GALNTL6: variants seen among roughly 807,000 people sequenced by gnomAD.
The protein encoded by GALNTL6 is polypeptide N-acetylgalactosaminyltransferase-like 6.
A neutral mutation model predicts 73.7 loss-of-function variants in GALNTL6; 46 were observed. That is an observed-to-expected ratio of 0.62 (90% CI 0.49 to 0.80). The LOEUF (loss-of-function observed/expected upper bound fraction) is 0.80. Ranked by LOEUF, GALNTL6 falls within the 30% of genes least tolerant of loss-of-function variation. GALNTL6 has a pLI of 0.00. For missense variants in GALNTL6, 604 were observed against 755.0 expected (o/e 0.80, Z 2.34); for synonymous variants, 259 against 263.7 (o/e 0.98, Z 0.17).
At chr4:172,755,237 T>TTAGATAGATAGATAGATAGATAG (rs71592099) in intron 5 of GALNTL6, among the ~76,000 whole-genome samples, 1 of 145,550 alleles carries the variant, frequency 6.9e-6, no homozygotes, top group African/African-American at 2.6e-5. Context: ...AAATGACAGA[T>TTAGATAGATAGATAGATAGATAG]ATAGATAGAT....
In GALNTL6 at chr4:171,880,460, C is replaced by T. The variant is rs112734436; in HGVS notation, c.138+65742C>T. Among the ~76,000 whole-genome samples, 265 of 152,138 alleles carry T rather than the reference C, an allele frequency of 1.7e-3. 1 individual carries two copies. Among genetic ancestry groups the T allele is most frequent in the African/African-American group, 5.9e-3 (245 of 41,512 alleles). On this transcript the variant is annotated intron_variant, in intron 2 of 12. Transcript: ENST00000506823. Reference sequence around the variant, plus strand: ...CACTATATTGTTAAATGTTAAGAAACGATTGGGAAGAAAGGCTGTTAATTA... The same window carrying T: ...CACTATATTGTTAAATGTTAAGAAATGATTGGGAAGAAAGGCTGTTAATTA...
rs552925828 is a variant in GALNTL6, at chr4:172,963,915, A to G, written c.1371+11657A>G. 1.3e-4 allele frequency among the ~76,000 whole-genome samples: 20 copies of G among 152,342 alleles called. No homozygotes were observed. The South Asian group carries it at 3.9e-3, about 30-fold the overall frequency. ...TCCAAACTCTGCCTACCAGCTTCCTACTTAAAAGGCAGAAGAGATTACAGT... is the reference window on the plus strand; with the variant it reads ...TCCAAACTCTGCCTACCAGCTTCCTGCTTAAAAGGCAGAAGAGATTACAGT... On this transcript the variant is annotated intron_variant, in intron 10 of 12. Transcript: ENST00000506823.
At chr4:172,422,059 C>T (rs960044856) in intron 5 of GALNTL6, among the ~76,000 whole-genome samples, 3 of 152,104 alleles carry the variant, frequency 2.0e-5, no homozygotes, top group African/African-American at 7.2e-5. Context: ...ATTTTTTGTG[C>T]CTATACTTTG....
chr4:172,360,208 T>C (rs1378141797), intron 5 of GALNTL6, among the ~76,000 whole-genome samples: 2 of 152,214 alleles, frequency 1.3e-5, no homozygotes, highest in East Asian at 3.9e-4. Flanking sequence ...TTTAAATATC[T>C]GCAGCTCCTA....
intron 2 of GALNTL6, among the ~76,000 whole-genome samples, chr4:171,852,823 G>A (rs976806355): frequency 2.6e-5 from 4 of 151,146 alleles, no homozygotes; most frequent in Admixed American, 6.6e-5. Flanking sequence ...AGTCACTTCC[G>A]GGTAACTTGC....
chr4:172,867,841 G>A (rs1333831756), intron 7 of GALNTL6, among the ~76,000 whole-genome samples: 3 of 152,172 alleles, frequency 2.0e-5, no homozygotes, highest in Non-Finnish European at 4.4e-5. Context: ...GCATACCTTT[G>A]GAATATGGTT....
At chr4:172,297,114 T>G (rs1169170560) in intron 3 of GALNTL6, among the ~76,000 whole-genome samples, 1 of 152,220 alleles carries the variant, frequency 6.6e-6, no homozygotes. Context: ...TGGCCAGTGA[T>G]GATGAGCATT....
intron 2 of GALNTL6, among the ~76,000 whole-genome samples, chr4:172,068,578 C>T (rs1447651868): frequency 9.1e-6 from 1 of 109,934 alleles, no homozygotes; most frequent in Non-Finnish European, 2.0e-5. Context: ...AAAGGACTTT[C>T]CCCCACTTTA....
intron 2 of GALNTL6, among the ~76,000 whole-genome samples, chr4:171,857,246 C>T (rs1652493781): frequency 6.6e-6 from 1 of 151,992 alleles, no homozygotes; most frequent in Non-Finnish European, 1.5e-5. Context: ...TCTCCCCTTG[C>T]TTTCTCAGTA....
intron 8 of GALNTL6, among the ~76,000 whole-genome samples, chr4:172,920,677 G>T (rs937493378): frequency 6.6e-6 from 1 of 152,108 alleles, no homozygotes; most frequent in Non-Finnish European, 1.5e-5. Context: ...GCTCAAAAAA[G>T]CTTATTCCCT....
intron 4 of GALNTL6, among the ~76,000 whole-genome samples, chr4:172,318,929 G>A (rs999838096): frequency 6.6e-6 from 1 of 152,002 alleles, no homozygotes; most frequent in East Asian, 1.9e-4. Context: ...AAAACTGAAA[G>A]CGTAGGTTTG....
intron 5 of GALNTL6, among the ~76,000 whole-genome samples, chr4:172,732,933 A>G (rs1236370129): frequency 2.0e-5 from 3 of 152,112 alleles, no homozygotes; most frequent in Non-Finnish European, 4.4e-5. Flanking sequence ...TTGCCATGCT[A>G]TTTTTGTTTT....
chr4:172,294,699 G>T (rs1197821293), intron 3 of GALNTL6, among the ~76,000 whole-genome samples: 1 of 152,062 alleles, frequency 6.6e-6, no homozygotes, highest in Admixed American at 6.6e-5. Flanking sequence ...TGTGTAAGCA[G>T]AACCCATATT....
At chr4:172,730,240 G>A (rs1047042428) in intron 5 of GALNTL6, among the ~76,000 whole-genome samples, 5 of 151,982 alleles carry the variant, frequency 3.3e-5, no homozygotes, top group African/African-American at 9.7e-5. Flanking sequence ...TTTCCCAATT[G>A]TTCTGGCCAG....
intron 2 of GALNTL6, among the ~76,000 whole-genome samples, chr4:171,990,012 T>TA (rs1166676968): frequency 1.3e-5 from 2 of 152,084 alleles, no homozygotes; most frequent in Non-Finnish European, 2.9e-5. Flanking sequence ...AAGGAAACAG[T>TA]AAGCTGGACC....
At chr4:172,717,381 A>C (rs922719473) in intron 5 of GALNTL6, among the ~76,000 whole-genome samples, 2 of 152,228 alleles carry the variant, frequency 1.3e-5, no homozygotes, top group Non-Finnish European at 2.9e-5. Flanking sequence ...CGGGACCAAA[A>C]GCTATTTCCC....
chr4:172,571,858 G>C (rs1346311639), intron 5 of GALNTL6, among the ~76,000 whole-genome samples: 2 of 152,168 alleles, frequency 1.3e-5, no homozygotes, highest in Non-Finnish European at 2.9e-5. Context: ...GTTAGCCTCA[G>C]ACACCGTTTT....
chr4:172,323,614 A>G (rs1740833158), intron 4 of GALNTL6, among the ~76,000 whole-genome samples: 1 of 152,142 alleles, frequency 6.6e-6, no homozygotes, highest in Non-Finnish European at 1.5e-5. Context: ...CTTTCTAAAC[A>G]TGTCAGATCC....
chr4:172,865,565 A>G (rs1000251366), intron 7 of GALNTL6, among the ~76,000 whole-genome samples: 2 of 152,252 alleles, frequency 1.3e-5, no homozygotes, highest in African/African-American at 4.8e-5. Flanking sequence ...GTGAACAACA[A>G]CTATAATTGT....
Sources: gnomAD v4.1 joint callset for allele counts (sites outside exome capture counted in the v4.1 genomes callset) on GRCh38, gnomAD v4.1.1 for gene constraint, MANE v1.5 for transcripts, NCBI Gene and HGNC (gene_info 2026-07-23, HGNC 2026-07-21) for gene names.